The following RTEL1 variants were observed in gnomAD, a reference collection of about 807,000 sequenced individuals.
The protein encoded by RTEL1 is regulator of telomere elongation helicase 1.
A neutral mutation model predicts 162.2 loss-of-function variants in RTEL1; 86 were observed. The ratio of observed to expected loss-of-function variants is 0.53; its 90% CI spans 0.45 to 0.63. The LOEUF (loss-of-function observed/expected upper bound fraction) is 0.63. Ranked by LOEUF, RTEL1 falls within the 30% of genes least tolerant of loss-of-function variation. The pLI, the probability that RTEL1 is intolerant of heterozygous loss-of-function variation, is 0.00. For synonymous variants in RTEL1, 958 were observed against 717.9 expected, an observed-to-expected ratio of 1.33 and a Z score of -5.35; for missense variants, 1,941 against 1,750.2, an observed-to-expected ratio of 1.11 and a Z score of -1.95.
intron 14 of RTEL1, chr20:63,681,607 G>T: frequency 1.0e-6 from 1 of 985,400 alleles, no homozygotes; most frequent in Non-Finnish European, 1.2e-6. Context: ...GCCTGTGCAT[G>T]CTGCTGGGCA....
intron 30 of RTEL1, among the ~76,000 whole-genome samples, 185 bp downstream of exon 30, chr20:63,693,468 T>TCCACCA (rs1568720038): frequency 6.1e-4 from 6 of 9,762 alleles, no homozygotes; most frequent in East Asian, 1.7e-3. Flanking sequence ...CACCTCCACC[T>TCCACCA]CCACCTCCAC....
At chr20:63,662,251 A>G (rs2090034791) in intron 4 of RTEL1, 1 of 630,394 alleles carries the variant, frequency 1.6e-6, no homozygotes. Flanking sequence ...AGCTTTGCAC[A>G]TGAAGTAGGA....
intron 30 of RTEL1, 68 bp from the exon 31 acceptor site, chr20:63,694,304 G>GGCCCC: frequency 1.2e-6 from 1 of 813,000 alleles, no homozygotes; most frequent in Non-Finnish European, 2.1e-6. Context: ...AGCCAGCCCT[G>GGCCCC]CCCCCCCACC....
intron 13 of RTEL1, 128 bp from the exon 14 acceptor site, chr20:63,680,536 G>T: frequency 1.0e-6 from 1 of 964,488 alleles, no homozygotes; most frequent in East Asian, 2.4e-5. Context: ...GCTCCACCCT[G>T]GGCCCCCCAT....
chr20:63,685,685 A>G (rs1476866356), intron 15 of RTEL1, 88 bp downstream of exon 15: 27 of 1,584,838 alleles, frequency 1.7e-5, no homozygotes, highest in Non-Finnish European at 2.1e-5. Flanking sequence ...GGTGGGGGCC[A>G]CCTCCAGGAG....
chr20:63,672,167 C>T (rs529310729), intron 8 of RTEL1, among the ~76,000 whole-genome samples: 86 of 152,300 alleles, frequency 5.6e-4, no homozygotes, highest in African/African-American at 2.0e-3. Context: ...CAGGCGTGAG[C>T]CACCGCGCCT....
rs113365193 is a variant in RTEL1, at chr20:63,664,953, C to T, written c.539-1051C>T. 1,319 of 152,838 alleles carry T rather than the reference C, an allele frequency of 8.6e-3. 11 individuals carry two copies. Among genetic ancestry groups the T allele is most frequent in the Non-Finnish European group, 0.013 (919 of 68,402 alleles). 9.5% of individuals were successfully genotyped at this position (152,838 alleles called of 1,614,324 possible). A position where few individuals can be genotyped will look rare whatever the true frequency, so the allele number is the denominator to read the frequency against. On this transcript the variant is annotated intron_variant, in intron 6 of 34. Coordinates refer to ENST00000360203, the MANE Select transcript of RTEL1 (RefSeq NM_001283009.2). ...TCCTGTCCTCGCCCCGCCCTCAGCTCTCCGCCAGGCAAGGTTTGGCAAGTG... is the reference window on the plus strand; with the variant it reads ...TCCTGTCCTCGCCCCGCCCTCAGCTTTCCGCCAGGCAAGGTTTGGCAAGTG...
In RTEL1 at chr20:63,660,277, G is replaced by A. The variant is rs571508399; in HGVS notation, c.102+773G>A. ...AGACCCTTCACGGGTGTTGGGCTGG[G>A]GGACTGTCAGGTCTTTCCCATCCCA... On this transcript the variant is annotated intron_variant, in intron 2 of 34. Transcript: ENST00000360203. Among the ~76,000 whole-genome samples the A allele has an allele frequency of 9.8e-5, 15 of 152,318 alleles. No homozygotes were observed. In the East Asian group the frequency reaches 2.9e-3, roughly 29 times the overall value.
chr20:63,694,205 G>A (rs1465780447), intron 30 of RTEL1, 167 bp from the exon 31 acceptor site: 2 of 640,040 alleles, frequency 3.1e-6, no homozygotes, highest in Non-Finnish European at 5.6e-6. Context: ...CCAGCAGGCT[G>A]GTGTCTCCTC....
At chr20:63,663,324 G>A (rs2090057925) in intron 6 of RTEL1, among the ~76,000 whole-genome samples, 1 of 152,218 alleles carries the variant, frequency 6.6e-6, no homozygotes, top group South Asian at 2.1e-4. Flanking sequence ...CTGGCCTCCC[G>A]CGACCCTGCC....
chr20:63,674,844 G>A (rs1001050065), intron 10 of RTEL1, among the ~76,000 whole-genome samples: 4 of 152,048 alleles, frequency 2.6e-5, no homozygotes, highest in Admixed American at 1.3e-4. Flanking sequence ...CACAGCGCTA[G>A]TCACGGCATA....
At position 63,689,530 on chromosome 20, in the gene RTEL1, C is replaced by T. The variant is rs200847054; in HGVS notation, c.1907C>T (p.Thr636Met). The change falls in exon 23 of 35, where the codon ACG (threonine) becomes ATG (methionine). Residue 636 changes from threonine (T) to methionine (M), a missense_variant. Thr to Met is a moderately conservative substitution (Grantham distance 81, BLOSUM62 -1). Transcript: ENST00000360203. ...AGCGAGGGGCTGGACTTCTCAGACA[C>T]GAATGGCCGTGGTGTGATTGTCACG... ...KASEGLDFSDTNGRGVIVTGL... is the reference protein window; with the variant it reads ...KASEGLDFSDMNGRGVIVTGL... 1.7e-5 allele frequency: 28 copies of T among 1,609,108 alleles called. No individual in the cohort carries two copies. The highest frequency in any genetic ancestry group is 2.2e-5 in the South Asian group (2 of 90,268).
chr20:63,695,674 C>T (rs1568727195), intron 34 of RTEL1, 24 bp downstream of exon 34: 7 of 1,610,766 alleles, frequency 4.3e-6, no homozygotes, highest in Non-Finnish European at 5.9e-6. Context: ...CACTACAGTT[C>T]CTGCTGGGTG....
In RTEL1 at chr20:63,659,482, A is replaced by G. The variant is rs1240428205; in HGVS notation, c.80A>G (p.Lys27Arg). 1.2e-6 allele frequency: 2 copies of G among 1,613,954 alleles called. No individual in the cohort carries two copies. The highest frequency in any genetic ancestry group is 1.1e-5 in the South Asian group (1 of 91,080). ...PYKCQQEYMT[K>R]VLECLQQKVN... ...AAATGCCAACAGGAGTACATGACCA[A>G]GGTCCTGGAATGTCTGCAGCAGGTA... The change falls in exon 2 of 35, where the codon AAG becomes AGG. Residue 27 changes from lysine (K) to arginine (R), a missense_variant. Coordinates refer to ENST00000360203, the MANE Select transcript of RTEL1 (RefSeq NM_001283009.2).
At chr20:63,676,801 GGT>G (rs1237312637) in intron 10 of RTEL1, among the ~76,000 whole-genome samples, 8 of 152,274 alleles carry the variant, frequency 5.3e-5, no homozygotes, top group South Asian at 2.1e-4. Context: ...CAGGTGTGGT[GGT>G]GCATGCTTGT....
chr20:63,666,358 T>C (rs1018206846), intron 7 of RTEL1, among the ~76,000 whole-genome samples: 3 of 152,270 alleles, frequency 2.0e-5, no homozygotes, highest in African/African-American at 7.2e-5. Context: ...CAGTTTTGTC[T>C]GCACAGACTG....
intron 14 of RTEL1, 33 bp downstream of exon 14, chr20:63,680,752 C>G (rs1330444026): frequency 1.2e-6 from 2 of 1,612,478 alleles, no homozygotes; most frequent in African/African-American, 2.7e-5. Flanking sequence ...ATCTCCTTCC[C>G]TGATGGAAGC....
At chr20:63,666,522 T>C (rs960220696) in intron 7 of RTEL1, among the ~76,000 whole-genome samples, 3 of 152,194 alleles carry the variant, frequency 2.0e-5, no homozygotes, top group African/African-American at 7.2e-5. Context: ...TCTTCTTATA[T>C]TGAGGGGGAA....
At chr20:63,672,674 C>T in intron 9 of RTEL1, 53 bp downstream of exon 9, 4 of 1,457,202 alleles carry the variant, frequency 2.7e-6, no homozygotes, top group Non-Finnish European at 3.8e-6. Context: ...GCCTTTTTGT[C>T]AAGAGCCACG....
Sources: allele counts gnomAD v4.1 joint callset (sites outside exome capture counted in the v4.1 genomes callset), GRCh38; gene constraint gnomAD v4.1.1; transcripts MANE v1.5; gene names NCBI Gene and HGNC (gene_info 2026-07-23, HGNC 2026-07-21).